RUBCNL: variants seen among roughly 807,000 people sequenced by gnomAD.
RUBCNL encodes protein associated with UVRAG as autophagy enhancer.
Under a neutral mutation model 69.5 loss-of-function variants are expected in RUBCNL, and 62 were observed. The observed-to-expected ratio is 0.89, with a 90% CI of 0.73 to 1.10. The LOEUF (loss-of-function observed/expected upper bound fraction) is 1.10. Ranked by LOEUF, RUBCNL falls within the 50% of genes least tolerant of loss-of-function variation. The pLI is 0.00. For missense variants in RUBCNL, 768 were observed against 798.1 expected, an observed-to-expected ratio of 0.96 and a Z score of 0.45; for synonymous variants, 291 against 303.6, an observed-to-expected ratio of 0.96 and a Z score of 0.43.
At position 46,361,528 on chromosome 13, in the gene RUBCNL, T is replaced by G. The variant is rs746788845; in HGVS notation, c.1032A>C (p.Lys344Asn). 5 of 1,611,614 alleles carry G rather than the reference T, an allele frequency of 3.1e-6. No homozygotes were observed. The highest frequency in any genetic ancestry group is 1.7e-4 in the Middle Eastern group (1 of 6,060). Residue 344 changes from lysine to asparagine, a missense_variant, in exon 8 of 15, where the codon AAA becomes AAC. Coordinates refer to ENST00000429979, the MANE Select transcript of RUBCNL (RefSeq NM_025113.5). ...ACTTCTGGAACACGCGGTACAGCTC[T>G]TTGGCTAATAGTTCTGCAGAATTGA... Reference protein sequence around the residue: ...PDFNSAELLAKELYRVFQKCW... With the variant: ...PDFNSAELLANELYRVFQKCW...
intron 5 of RUBCNL, 50 bp downstream of exon 5, chr13:46,367,992 A>AT (rs1249895158): frequency 6.6e-7 from 1 of 1,520,228 alleles, no homozygotes; most frequent in East Asian, 2.3e-5. Context: ...TATAGAGGAG[A>AT]TATATGTGAA....
At chr13:46,364,915 C>T (rs1171981992) in intron 5 of RUBCNL, among the ~76,000 whole-genome samples, 5 of 151,638 alleles carry the variant, frequency 3.3e-5, no homozygotes, top group Admixed American at 6.6e-5. Flanking sequence ...CAATTTACAC[C>T]CAACCACTAT....
At position 46,377,974 on chromosome 13, in the gene RUBCNL, CAGG is replaced by C; in HGVS notation, c.-210_-208del. 1 of 1,591,032 alleles carries C rather than the reference CAGG, an allele frequency of 6.3e-7. No individual in the cohort carries two copies. Among genetic ancestry groups the C allele is most frequent in the South Asian group, 1.2e-5 (1 of 86,874 alleles). ...ACCATCAAAGTCCATGCAGTAGTGA[CAGG>C]AGGTCAATATCCCCATTTTTTATTT... On this transcript the variant is annotated 5_prime_UTR_variant, in exon 2 of 15. Transcript: ENST00000429979.
upstream of RUBCNL, chr13:46,387,370 C>T (rs560617654): frequency 7.0e-4 from 694 of 985,482 alleles, no homozygotes; most frequent in South Asian, 8.9e-4. Flanking sequence ...AAGCGCCGTT[C>T]CCGCCGCAGG....
chr13:46,383,069 T>C (rs371925988), intron 1 of RUBCNL, among the ~76,000 whole-genome samples: 33 of 152,354 alleles, frequency 2.2e-4, no homozygotes, highest in Admixed American at 3.9e-4. Context: ...GTGGGCAACA[T>C]GGATGAAGCA....
intron 1 of RUBCNL, 43 bp downstream of exon 1, chr13:46,387,091 C>T: frequency 1.0e-6 from 1 of 985,830 alleles, no homozygotes; most frequent in Non-Finnish European, 1.2e-6. Context: ...ACCCTCTCCA[C>T]CCCGCGCCGC....
intron 1 of RUBCNL, among the ~76,000 whole-genome samples, chr13:46,380,372 A>C (rs1391851966): frequency 6.6e-6 from 1 of 152,206 alleles, no homozygotes; most frequent in Non-Finnish European, 1.5e-5. Context: ...TATTATGCCA[A>C]GTTGAGAACT....
intron 2 of RUBCNL, among the ~76,000 whole-genome samples, chr13:46,373,631 A>G (rs529452594): frequency 1.3e-5 from 2 of 152,356 alleles, no homozygotes; most frequent in African/African-American, 2.4e-5. Context: ...TGCCCTCTGC[A>G]TTGTGAAGCT....
chr13:46,373,188 G>A (rs1594173942), intron 2 of RUBCNL, among the ~76,000 whole-genome samples: 1 of 152,052 alleles, frequency 6.6e-6, no homozygotes, highest in East Asian at 1.9e-4. Context: ...TGGCCAGGCT[G>A]GTTTCAAACT....
intron 12 of RUBCNL, among the ~76,000 whole-genome samples, chr13:46,346,507 C>CGGA (rs1355299420): frequency 6.6e-6 from 1 of 152,198 alleles, no homozygotes; most frequent in Non-Finnish European, 1.5e-5. Context: ...TGGTGCTGAC[C>CGGA]ATCCCCCTGG....
At position 46,334,771 on chromosome 13, in the gene RUBCNL, C is replaced by T. The variant is rs1005262391; in HGVS notation, c.*8614G>A. Among the ~76,000 whole-genome samples, 3 of 152,102 alleles carry T rather than the reference C, an allele frequency of 2.0e-5. No individual in the cohort carries two copies. The highest frequency in any genetic ancestry group is 1.9e-4 in the East Asian group (1 of 5,190). The stretch of plus-strand genomic sequence containing the variant: ...CATAACTTATATCATTTAATCTGTA[C>T]GACAACCTTGTGAGACAGATTGTCA... On this transcript the variant is annotated 3_prime_UTR_variant, in exon 15 of 15. Transcript: ENST00000429979.
Position 46,361,547 on chromosome 13 carries a change from G to C in RUBCNL, c.1013C>G (p.Ser338Cys). ...CAGCTCTTTGGCTAATAGTTCTGCAGAATTGAAGTCTGGCTCATAAGTGAC... is the reference window on the plus strand; with the variant it reads ...CAGCTCTTTGGCTAATAGTTCTGCACAATTGAAGTCTGGCTCATAAGTGAC... ...KSVTYEPDFNSAELLAKELYR... is the reference protein window; with the variant it reads ...KSVTYEPDFNCAELLAKELYR... Residue 338 changes from serine (S) to cysteine (C), a missense_variant, in exon 8 of 15, where the codon TCT (serine) becomes TGT (cysteine). Transcript: ENST00000429979. The C allele has an allele frequency of 6.2e-7, 1 of 1,607,074 alleles. No homozygotes were observed.
intron 10 of RUBCNL, among the ~76,000 whole-genome samples, chr13:46,355,583 A>C (rs1188521700): frequency 2.0e-5 from 3 of 152,080 alleles, no homozygotes; most frequent in African/African-American, 7.2e-5. Context: ...CAGGTGGGAG[A>C]CACCGTGCCT....
chr13:46,362,375 T>C (rs1214286631), intron 7 of RUBCNL, among the ~76,000 whole-genome samples, 163 bp downstream of exon 7: 1 of 152,154 alleles, frequency 6.6e-6, no homozygotes, highest in Non-Finnish European at 1.5e-5. Flanking sequence ...ATAGAAACTT[T>C]GGGGGTGATT....
At chr13:46,371,916 G>A (rs749949959) in intron 3 of RUBCNL, 25 bp downstream of exon 3, 2 of 1,610,564 alleles carry the variant, frequency 1.2e-6, no homozygotes, top group Non-Finnish European at 1.7e-6. Context: ...AGAGAGGAAT[G>A]AGGGAGGTCA....
intron 12 of RUBCNL, among the ~76,000 whole-genome samples, chr13:46,348,129 C>A (rs373453649): frequency 7.2e-5 from 11 of 152,018 alleles, no homozygotes; most frequent in Non-Finnish European, 1.2e-4. Context: ...TGTGTGTGGG[C>A]AAAATCATGG....
intron 3 of RUBCNL, among the ~76,000 whole-genome samples, chr13:46,369,881 C>T (rs2048840509): frequency 6.6e-6 from 1 of 152,196 alleles, no homozygotes; most frequent in African/African-American, 2.4e-5. Context: ...GTAGTTGTTG[C>T]ATGGAAAAAT....
intron 1 of RUBCNL, among the ~76,000 whole-genome samples, chr13:46,385,573 A>G (rs1332735173): frequency 6.6e-6 from 1 of 151,246 alleles, no homozygotes; most frequent in East Asian, 1.9e-4. Context: ...TGCCAGTGCT[A>G]TTATTTGTGT....
chr13:46,344,902 CT>C (rs1224720941), intron 13 of RUBCNL, 71 bp from the exon 14 acceptor site: 4 of 952,646 alleles, frequency 4.2e-6, no homozygotes, highest in East Asian at 5.1e-5. Context: ...TATTACAGAA[CT>C]TTATAAACAT....
Sources: allele counts gnomAD v4.1 joint callset (sites outside exome capture counted in the v4.1 genomes callset), GRCh38; gene constraint gnomAD v4.1.1; transcripts MANE v1.5; gene names NCBI Gene and HGNC (gene_info 2026-07-23, HGNC 2026-07-21).